PDIA3: variants seen among roughly 807,000 people sequenced by gnomAD.
PDIA3 encodes the protein protein disulfide-isomerase A3.
Under a neutral mutation model 56.9 loss-of-function variants are expected in PDIA3, and 16 were observed. The ratio of observed to expected loss-of-function variants is 0.28; its 90% CI spans 0.19 to 0.43. The LOEUF (loss-of-function observed/expected upper bound fraction) is 0.43, where lower values mean the gene tolerates loss of function less well. Among genes scored for constraint, PDIA3 ranks in the 20% least tolerant of loss-of-function variants. PDIA3 has a pLI of 1.00. For synonymous variants in PDIA3, 192 were observed against 216.5 expected, an observed-to-expected ratio of 0.89 and a Z score of 0.99; for missense variants, 485 against 621.3, an observed-to-expected ratio of 0.78 and a Z score of 2.33.
chr15:43,749,900 T>C (rs2141642624), intron 1 of PDIA3, among the ~76,000 whole-genome samples: 1 of 151,978 alleles, frequency 6.6e-6, no homozygotes, highest in African/African-American at 2.4e-5. Flanking sequence ...GAAGCTGAGA[T>C]TGCACCATTG....
At chr15:43,756,577 A>AT in intron 2 of PDIA3, 72 bp from the exon 3 acceptor site, 1 of 867,862 alleles carries the variant, frequency 1.2e-6, no homozygotes, top group Non-Finnish European at 2.0e-6. Flanking sequence ...CAATCCTAGT[A>AT]TTTTGAGAAT....
intron 3 of PDIA3, 127 bp downstream of exon 3, chr15:43,756,893 G>A: frequency 1.7e-6 from 1 of 576,098 alleles, no homozygotes; most frequent in South Asian, 2.6e-5. Flanking sequence ...TAAGAGGTCA[G>A]TTTGGTGGTA....
intron 1 of PDIA3, chr15:43,751,618 C>T (rs765243219): frequency 1.0e-5 from 13 of 1,304,100 alleles, no homozygotes; most frequent in Non-Finnish European, 1.3e-5. Flanking sequence ...GGAGAGTCTC[C>T]TCCAGCCTCA....
chr15:43,752,656 G>A (rs2086752193), intron 1 of PDIA3: 1 of 403,876 alleles, frequency 2.5e-6, no homozygotes, highest in Admixed American at 2.9e-5. Context: ...AGAATAAGCT[G>A]TTATAATCCT....
At position 43,772,331 on chromosome 15, in the gene PDIA3, G is replaced by T. The variant is rs1227257210; in HGVS notation, c.*1113G>T. The T allele has an allele frequency of 6.6e-6, 1 of 152,208 alleles. No individual in the cohort carries two copies. The highest frequency in any genetic ancestry group is 6.5e-5 in the Admixed American group (1 of 15,270). 9.4% of individuals were successfully genotyped at this position (152,208 alleles called of 1,614,324 possible). A position where few individuals can be genotyped will look rare whatever the true frequency, so the allele number is the denominator to read the frequency against. ...CCTAGGAACTCCTATGTTCAGAAAAGAATTTTCTTCCTACTATATAATTAC... is the reference window on the plus strand; with the variant it reads ...CCTAGGAACTCCTATGTTCAGAAAATAATTTTCTTCCTACTATATAATTAC... On this transcript the variant is annotated 3_prime_UTR_variant, in exon 13 of 13. Transcript: ENST00000300289.
chr15:43,771,848 G>T lies in PDIA3; in HGVS notation c.*630G>T, dbSNP rs1463197822. 1 of 380,966 alleles carries T rather than the reference G, an allele frequency of 2.6e-6. No individual in the cohort carries two copies. The highest frequency in any genetic ancestry group is 4.6e-6 in the Non-Finnish European group (1 of 215,406). 23.6% of individuals were successfully genotyped at this position (380,966 alleles called of 1,614,324 possible). On this transcript the variant is annotated 3_prime_UTR_variant, in exon 13 of 13. Coordinates refer to ENST00000300289, the MANE Select transcript of PDIA3 (RefSeq NM_005313.5). ...GTTTATTTCCCAGGCCTACCCTGGT[G>T]ATTAGAACAGCTGAAGGGCCTTTCT...
rs1428263740 is a variant in PDIA3 at position 43,765,555 on chromosome 15, C to T, written c.708C>T (p.Ile236=). 1 of 1,573,990 alleles carries T rather than the reference C, an allele frequency of 6.4e-7. No homozygotes were observed. Among genetic ancestry groups the T allele is most frequent in the Non-Finnish European group, 8.7e-7 (1 of 1,145,106 alleles). The change falls in exon 6 of 13, where the codon ATC becomes ATT. Residue 236 remains isoleucine (I), a synonymous_variant. Transcript: ENST00000300289. ...KMTSGKIKKF[I]QENIFGICPH... ...CCAGTGGCAAAATTAAAAAGTTTATCCAGGAAAACATGTGAGTACTTCTTT... is the reference window on the plus strand; with the variant it reads ...CCAGTGGCAAAATTAAAAAGTTTATTCAGGAAAACATGTGAGTACTTCTTT...
At chr15:43,755,872 C>T (rs1470816078) in intron 2 of PDIA3, among the ~76,000 whole-genome samples, 3 of 151,570 alleles carry the variant, frequency 2.0e-5, no homozygotes, top group Non-Finnish European at 2.9e-5. Flanking sequence ...TGAGTTCGTG[C>T]CATTGCACTC....
chr15:43,768,627 G>T, intron 9 of PDIA3, 30 bp downstream of exon 9: 2 of 1,374,816 alleles, frequency 1.5e-6, no homozygotes, highest in Non-Finnish European at 2.1e-6. Flanking sequence ...ATCAAGCTAT[G>T]AGCAATTGCC....
chr15:43,766,553 A>G (rs1440235732), intron 7 of PDIA3, among the ~76,000 whole-genome samples, 175 bp from the exon 8 acceptor site: 4 of 152,252 alleles, frequency 2.6e-5, no homozygotes, highest in Non-Finnish European at 5.9e-5. Context: ...TCAGTAAGGC[A>G]TTGAAGTATA....
intron 4 of PDIA3, among the ~76,000 whole-genome samples, chr15:43,762,368 G>A (rs967039488): frequency 2.6e-5 from 4 of 151,982 alleles, no homozygotes; most frequent in African/African-American, 9.7e-5. Flanking sequence ...AAAATTAGCC[G>A]AGCATGGTGG....
chr15:43,748,675 GA>G (rs1192487032), intron 1 of PDIA3, among the ~76,000 whole-genome samples: 1 of 152,050 alleles, frequency 6.6e-6, no homozygotes, highest in African/African-American at 2.4e-5. Flanking sequence ...CAAGAAAGAT[GA>G]GTTTTCTGAA....
chr15:43,771,682 G>T lies in PDIA3; in HGVS notation c.*464G>T. On this transcript the variant is annotated 3_prime_UTR_variant, in exon 13 of 13. Coordinates refer to ENST00000300289, the MANE Select transcript of PDIA3 (RefSeq NM_005313.5). ...CTACGGAGCATCTGAAATATGGCTAGAAACTACATTTTTGTTTTGATTAAT... is the reference window on the plus strand; with the variant it reads ...CTACGGAGCATCTGAAATATGGCTATAAACTACATTTTTGTTTTGATTAAT... The T allele has an allele frequency of 2.5e-6, 1 of 398,926 alleles. No individual in the cohort carries two copies. The highest frequency in any genetic ancestry group is 4.4e-5 in the Admixed American group (1 of 22,772). The allele number at this position is 398,926 out of a possible 1,614,324, so 24.7% of individuals were successfully genotyped here.
At chr15:43,760,613 C>A (rs1001617789) in intron 3 of PDIA3, among the ~76,000 whole-genome samples, 1 of 150,704 alleles carries the variant, frequency 6.6e-6, no homozygotes, top group African/African-American at 2.4e-5. Flanking sequence ...ACTGCAAGCT[C>A]CGCCTCCCGG....
chr15:43,763,290 T>A, intron 5 of PDIA3, 84 bp downstream of exon 5: 2 of 1,475,156 alleles, frequency 1.4e-6, no homozygotes, highest in Non-Finnish European at 1.9e-6. Context: ...TTTCACTCTG[T>A]CACCCAGGCT....
chr15:43,773,056 A>G lies in PDIA3; in HGVS notation c.*1838A>G. On this transcript the variant is annotated 3_prime_UTR_variant, in exon 13 of 13. Coordinates refer to ENST00000300289, the MANE Select transcript of PDIA3 (RefSeq NM_005313.5). The stretch of plus-strand genomic sequence containing the variant: ...CAGATAGTTGCATTCTATTTAGTTT[A>G]TAGCTGCTTTGTTCCTTTGTGTTTC... 6.9e-7 allele frequency: 1 copy of G among 1,448,990 alleles called. No homozygotes were observed. Among genetic ancestry groups the G allele is most frequent in the Non-Finnish European group, 9.4e-7 (1 of 1,066,032 alleles). The allele number at this position is 1,448,990 out of a possible 1,614,324, so 89.8% of individuals were successfully genotyped here. A position where few individuals can be genotyped will look rare whatever the true frequency, so the allele number is the denominator to read the frequency against.
Position 43,748,684 on chromosome 15 carries a change from G to C in PDIA3, c.167+1978G>C, listed in dbSNP as rs1276007949. 3.3e-5 allele frequency among the ~76,000 whole-genome samples: 5 copies of C among 151,894 alleles called. No individual in the cohort carries two copies. In the South Asian group the frequency reaches 6.2e-4, roughly 19 times the overall value. On this transcript the variant is annotated intron_variant, in intron 1 of 12. Transcript: ENST00000300289. ...TTTCAGCAAGAAAGATGAGTTTTCT[G>C]AATGAGCAATTTGGAGTTAAAGAAG...
chr15:43,767,159 G>A (rs751340787), intron 8 of PDIA3, among the ~76,000 whole-genome samples: 1 of 151,852 alleles, frequency 6.6e-6, no homozygotes, highest in Non-Finnish European at 1.5e-5. Flanking sequence ...AGACCAGCCT[G>A]ACCAACATAG....
intron 12 of PDIA3, among the ~76,000 whole-genome samples, chr15:43,770,876 T>TA (rs1370201572): frequency 6.6e-6 from 1 of 152,158 alleles, no homozygotes; most frequent in Admixed American, 6.6e-5. Context: ...CTTGAACTCC[T>TA]AACCTCAGGT....
Sources: gnomAD v4.1 joint callset for allele counts (sites outside exome capture counted in the v4.1 genomes callset) on GRCh38, gnomAD v4.1.1 for gene constraint, MANE v1.5 for transcripts, NCBI Gene and HGNC (gene_info 2026-07-23, HGNC 2026-07-21) for gene names.